DLGAP2: variants seen among roughly 807,000 people sequenced by gnomAD.
DLGAP2 encodes the protein DLG associated protein 2, also known as disks large-associated protein 2.
Under a neutral mutation model 100.3 loss-of-function variants are expected in DLGAP2, and 26 were observed. The ratio of observed to expected loss-of-function variants is 0.26; its 90% CI spans 0.19 to 0.36. DLGAP2 has a LOEUF of 0.36. Among genes scored for constraint, DLGAP2 ranks in the 10% least tolerant of loss-of-function variants. DLGAP2 has a pLI of 1.00. For missense variants in DLGAP2, 1,858 were observed against 1,453.2 expected, an observed-to-expected ratio of 1.28 and a Z score of -4.53; for synonymous variants, 886 against 630.1, an observed-to-expected ratio of 1.41 and a Z score of -6.08.
chr8:1,477,616 G>T (rs1274860545), intron 3 of DLGAP2, among the ~76,000 whole-genome samples: 1 of 152,146 alleles, frequency 6.6e-6, no homozygotes, highest in Non-Finnish European at 1.5e-5. Context: ...CCTGTCTGTG[G>T]CCATGATAAA....
At chr8:826,789 G>A (rs1040718261) in intron 1 of DLGAP2, among the ~76,000 whole-genome samples, 2 of 152,164 alleles carry the variant, frequency 1.3e-5, no homozygotes, top group Non-Finnish European at 2.9e-5. Flanking sequence ...CTGTGTCCCA[G>A]CTACGTTTGG....
chr8:1,602,818 A>G (rs1017299520), intron 6 of DLGAP2, among the ~76,000 whole-genome samples: 1 of 152,222 alleles, frequency 6.6e-6, no homozygotes, highest in Non-Finnish European at 1.5e-5. Context: ...CATGCTTCCC[A>G]TGCTGTCACA....
At chr8:1,380,937 C>CAAAAAAA (rs34675828) in intron 3 of DLGAP2, 16 of 77,034 alleles carry the variant, frequency 2.1e-4, no homozygotes, top group East Asian at 4.0e-4. Context: ...GAACATGATT[C>CAAAAAAA]AAAAAAAAAA....
At chr8:779,707 C>T (rs1035075773) in intron 1 of DLGAP2, among the ~76,000 whole-genome samples, 5 of 152,064 alleles carry the variant, frequency 3.3e-5, no homozygotes, top group African/African-American at 1.2e-4. Flanking sequence ...CACTGTTAGC[C>T]ATCCAAATCT....
At chr8:1,390,297 C>A (rs893655289) in intron 3 of DLGAP2, among the ~76,000 whole-genome samples, 4 of 152,216 alleles carry the variant, frequency 2.6e-5, no homozygotes, top group Admixed American at 1.3e-4. Flanking sequence ...ACCTACACAA[C>A]GCTGTGGTGT....
rs1796263642 is a variant in DLGAP2 at position 1,388,172 on chromosome 8, G to A, written c.107-113194G>A. Among the ~76,000 whole-genome samples, 4 of 97,410 alleles carry A rather than the reference G, an allele frequency of 4.1e-5. No homozygotes were observed. In the South Asian group the frequency reaches 9.7e-4, roughly 24 times the overall value. The allele number at this position is 97,410 out of a possible 152,430, so 63.9% of individuals were successfully genotyped here. A position where few individuals can be genotyped will look rare whatever the true frequency, so the allele number is the denominator to read the frequency against. On this transcript the variant is annotated intron_variant, in intron 3 of 14. Transcript: ENST00000637795. ...AGAGGCAGTGGGTGGGGAGGCACTG[G>A]TTCAGGTGTCAGGGCTGTGAGAGGC...
chr8:800,324 G>C (rs926949421), intron 1 of DLGAP2, among the ~76,000 whole-genome samples: 1 of 152,260 alleles, frequency 6.6e-6, no homozygotes, highest in Non-Finnish European at 1.5e-5. Context: ...GAGAGGCCTA[G>C]TGAGGCAGTT....
At chr8:1,241,844 A>T (rs1264163953) in intron 2 of DLGAP2, among the ~76,000 whole-genome samples, 2 of 152,172 alleles carry the variant, frequency 1.3e-5, no homozygotes, top group Admixed American at 1.3e-4. Context: ...GTTAATTTTC[A>T]CAACTTGATA....
intron 2 of DLGAP2, among the ~76,000 whole-genome samples, chr8:1,087,664 C>T (rs1804020765): frequency 6.6e-6 from 1 of 151,962 alleles, no homozygotes; most frequent in Admixed American, 6.6e-5. Flanking sequence ...TCTTTGATTC[C>T]CTGGAGCTAA....
intron 3 of DLGAP2, among the ~76,000 whole-genome samples, chr8:1,464,130 G>A (rs147688314): frequency 0.018 from 660 of 37,350 alleles, 2 homozygotes; most frequent in African/African-American, 0.068. Flanking sequence ...CCAAAGCCAC[G>A]TTCCAGGACA....
intron 1 of DLGAP2, among the ~76,000 whole-genome samples, chr8:750,469 T>C (rs1015814915): frequency 6.6e-6 from 1 of 152,250 alleles, no homozygotes; most frequent in African/African-American, 2.4e-5. Flanking sequence ...ATAAGGGTTT[T>C]CCTGAGTGCA....
intron 12 of DLGAP2, among the ~76,000 whole-genome samples, chr8:1,688,852 T>C (rs373559484): frequency 3.1e-4 from 47 of 152,348 alleles, no homozygotes; most frequent in African/African-American, 1.0e-3. Context: ...GGTCACGGCG[T>C]GCCATAAGCC....
chr8:1,409,536 C>T (rs138873202), intron 3 of DLGAP2, among the ~76,000 whole-genome samples: 30 of 152,344 alleles, frequency 2.0e-4, no homozygotes, highest in Non-Finnish European at 3.2e-4. Context: ...GAACCCTCCT[C>T]GCTTCCCAGC....
chr8:1,457,014 C>A (rs1563160839), intron 3 of DLGAP2, among the ~76,000 whole-genome samples: 3 of 152,228 alleles, frequency 2.0e-5, no homozygotes, highest in Non-Finnish European at 4.4e-5. Context: ...CAGAGGGCTG[C>A]TTGGCTCTGG....
intron 2 of DLGAP2, among the ~76,000 whole-genome samples, chr8:1,160,617 G>A (rs1163147390): frequency 6.6e-6 from 1 of 152,206 alleles, no homozygotes; most frequent in Non-Finnish European, 1.5e-5. Context: ...AGGCCTTGGA[G>A]GAGATGGCTG....
At chr8:1,454,348 C>A (rs960938921) in intron 3 of DLGAP2, among the ~76,000 whole-genome samples, 2 of 151,850 alleles carry the variant, frequency 1.3e-5, no homozygotes, top group Admixed American at 1.3e-4. Flanking sequence ...TTTTCTTCCT[C>A]TGTAACGTTT....
intron 3 of DLGAP2, among the ~76,000 whole-genome samples, chr8:1,416,732 A>G (rs561420148): frequency 4.5e-4 from 69 of 152,202 alleles, no homozygotes; most frequent in Non-Finnish European, 9.4e-4. Flanking sequence ...ACCAGGTAGT[A>G]AGAAAAGGAA....
At position 1,479,620 on chromosome 8, in the gene DLGAP2, GT is replaced by G. The variant is rs146000342; in HGVS notation, c.107-21743del. On this transcript the variant is annotated intron_variant, in intron 3 of 14. Transcript: ENST00000637795. ...ATTCTTGAAAGCAATAAATGGTAGA[GT>G]TTGCTCTTTCATTTCGGTGAGTCAT... is the stretch of plus-strand genomic sequence containing the variant. Among the ~76,000 whole-genome samples the G allele has an allele frequency of 9.5e-3, 1,451 of 152,216 alleles. 30 individuals are homozygous for G. The highest frequency in any genetic ancestry group is 0.033 in the African/African-American group (1,380 of 41,508).
At chr8:1,239,717 G>A (rs1242520544) in intron 2 of DLGAP2, among the ~76,000 whole-genome samples, 1 of 40,988 alleles carries the variant, frequency 2.4e-5, no homozygotes. Context: ...ACAGAGCATC[G>A]TGTCTAGTTC....
Sources: gnomAD v4.1 joint callset for allele counts (sites outside exome capture counted in the v4.1 genomes callset) on GRCh38, gnomAD v4.1.1 for gene constraint, MANE v1.5 for transcripts, NCBI Gene and HGNC (gene_info 2026-07-23, HGNC 2026-07-21) for gene names.